The following DYM variants were observed in gnomAD, a reference collection of about 807,000 sequenced individuals.
DYM encodes dyggve-Melchior-Clausen syndrome protein.
In DYM, 78 loss-of-function variants were observed where a neutral mutation model predicts 93.1. The ratio of observed to expected loss-of-function variants is 0.84; its 90% CI spans 0.70 to 1.01. The LOEUF (loss-of-function observed/expected upper bound fraction) is 1.01. Ranked by LOEUF, DYM falls within the 50% of genes least tolerant of loss-of-function variation. The probability of loss-of-function intolerance (pLI) is 0.00; values close to 1 mark genes in which losing one functional copy is unlikely to be tolerated. For missense variants in DYM, 789 were observed against 845.0 expected (o/e 0.93, Z 0.82); for synonymous variants, 321 against 319.7 (o/e 1.00, Z -0.04).
intron 15 of DYM, among the ~76,000 whole-genome samples, chr18:49,149,832 G>T (rs747436745): frequency 7.0e-6 from 1 of 142,668 alleles, no homozygotes; most frequent in Non-Finnish European, 1.5e-5. Flanking sequence ...TCAGCCTCCC[G>T]AGTAGCTGGG....
intron 15 of DYM, among the ~76,000 whole-genome samples, chr18:49,128,938 C>T (rs897263185): frequency 6.6e-6 from 1 of 152,062 alleles, no homozygotes; most frequent in Non-Finnish European, 1.5e-5. Flanking sequence ...TGCTATTTAT[C>T]TTTGATACTC....
At chr18:49,214,417 G>A (rs552497754) in intron 13 of DYM, among the ~76,000 whole-genome samples, 6 of 152,100 alleles carry the variant, frequency 3.9e-5, no homozygotes, top group East Asian at 1.9e-4. Context: ...GAAGTGGAAC[G>A]GTTTCATCCC....
At chr18:49,351,359 A>C (rs1004196057) in intron 6 of DYM, among the ~76,000 whole-genome samples, 1 of 151,442 alleles carries the variant, frequency 6.6e-6, no homozygotes, top group African/African-American at 2.4e-5. Context: ...CAACAGAGCG[A>C]GACTCTGTCT....
intron 15 of DYM, among the ~76,000 whole-genome samples, chr18:49,143,309 A>G (rs1468270172): frequency 6.6e-6 from 1 of 152,136 alleles, no homozygotes; most frequent in Non-Finnish European, 1.5e-5. Context: ...CCACAGTGCA[A>G]TGAAAAGAGA....
intron 2 of DYM, among the ~76,000 whole-genome samples, chr18:49,423,924 A>G (rs28789193): frequency 0.08 from 12,144 of 152,214 alleles, 766 homozygotes; most frequent in East Asian, 0.31. Context: ...AAACCAAAAA[A>G]AGTCCAGGAC....
intron 16 of DYM, among the ~76,000 whole-genome samples, chr18:49,117,107 G>T (rs2081983423): frequency 1.3e-5 from 2 of 152,114 alleles, no homozygotes; most frequent in Non-Finnish European, 2.9e-5. Context: ...TGTGTGAAAT[G>T]GTGTTTCTGC....
At chr18:49,221,992 A>G (rs2093379079) in intron 13 of DYM, among the ~76,000 whole-genome samples, 1 of 151,984 alleles carries the variant, frequency 6.6e-6, no homozygotes, top group African/African-American at 2.4e-5. Context: ...TTTATAAAAA[A>G]AAAAGAAAGA....
chr18:49,213,382 C>T (rs534776355), intron 13 of DYM, among the ~76,000 whole-genome samples: 4 of 151,818 alleles, frequency 2.6e-5, no homozygotes, highest in South Asian at 2.1e-4. Context: ...CTGCAACCTC[C>T]GCCTCCCGGG....
chr18:49,317,580 T>C (rs915727923), intron 8 of DYM, among the ~76,000 whole-genome samples: 13 of 11,734 alleles, frequency 1.1e-3, no homozygotes, highest in African/African-American at 7.7e-3. Flanking sequence ...TCTCTCTCTC[T>C]CTCTCTCTCT....
At chr18:49,088,271 C>T (rs947803535) in intron 17 of DYM, among the ~76,000 whole-genome samples, 4 of 152,002 alleles carry the variant, frequency 2.6e-5, no homozygotes, top group Non-Finnish European at 5.9e-5. Context: ...GTCTTTAATC[C>T]ATCTTGAATT....
At chr18:49,053,050 T>G (rs922473667) in intron 17 of DYM, among the ~76,000 whole-genome samples, 1 of 152,246 alleles carries the variant, frequency 6.6e-6, no homozygotes, top group Non-Finnish European at 1.5e-5. Flanking sequence ...CCAAAGCTAC[T>G]TACAGCAATC....
At chr18:49,053,101 C>T (rs1292945713) in intron 17 of DYM, among the ~76,000 whole-genome samples, 2 of 152,220 alleles carry the variant, frequency 1.3e-5, no homozygotes, top group Non-Finnish European at 2.9e-5. Context: ...ATGCTAGACT[C>T]TCAAGTTTGG....
chr18:49,446,202 A>G (rs775864246), intron 1 of DYM, among the ~76,000 whole-genome samples: 7 of 150,026 alleles, frequency 4.7e-5, no homozygotes, highest in Non-Finnish European at 7.4e-5. Context: ...CAGGAGGACC[A>G]TTTGAGGCTA....
At chr18:49,366,010 T>C (rs1432219932) in intron 5 of DYM, among the ~76,000 whole-genome samples, 1 of 152,140 alleles carries the variant, frequency 6.6e-6, no homozygotes, top group African/African-American at 2.4e-5. Flanking sequence ...AAATGTAATA[T>C]TTCAAGGCCA....
chr18:49,108,381 C>T (rs1169743315), intron 16 of DYM, among the ~76,000 whole-genome samples: 2 of 152,232 alleles, frequency 1.3e-5, no homozygotes, highest in Non-Finnish European at 1.5e-5. Flanking sequence ...CGCCCTGCTT[C>T]GGCTCACGCG....
At chr18:49,084,966 C>T (rs1171013073) in intron 17 of DYM, among the ~76,000 whole-genome samples, 1 of 152,120 alleles carries the variant, frequency 6.6e-6, no homozygotes, top group African/African-American at 2.4e-5. Flanking sequence ...TTGGCAATGA[C>T]CATTTCTTGA....
intron 2 of DYM, 139 bp from the exon 3 acceptor site, chr18:49,391,784 GC>G (rs1822667090): frequency 8.2e-6 from 5 of 609,736 alleles, no homozygotes; most frequent in Non-Finnish European, 1.4e-5. Context: ...AATAAGATCA[GC>G]AAAAAAAAAA....
chr18:49,105,172 T>C (rs1599776325), intron 16 of DYM, among the ~76,000 whole-genome samples: 1 of 152,246 alleles, frequency 6.6e-6, no homozygotes, highest in South Asian at 2.1e-4. Context: ...CCATTTCTTC[T>C]AGATTTTCTA....
intron 6 of DYM, among the ~76,000 whole-genome samples, chr18:49,342,402 T>C (rs78538956): frequency 0.057 from 8,632 of 150,654 alleles, 342 homozygotes; most frequent in Middle Eastern, 0.12. Flanking sequence ...ATCTACAACA[T>C]CACTTTTGAC....
Sources: allele counts gnomAD v4.1 joint callset (sites outside exome capture counted in the v4.1 genomes callset), GRCh38; gene constraint gnomAD v4.1.1; transcripts MANE v1.5; gene names NCBI Gene and HGNC (gene_info 2026-07-23, HGNC 2026-07-21).